Variants in DDC observed in about 807,000 individuals in gnomAD.
The protein encoded by DDC is aromatic-L-amino-acid decarboxylase.
A neutral mutation model predicts 60.0 loss-of-function variants in DDC; 43 were observed. The ratio of observed to expected loss-of-function variants is 0.72; its 90% CI spans 0.56 to 0.92. The LOEUF (loss-of-function observed/expected upper bound fraction) is 0.92, where lower values mean the gene tolerates loss of function less well. Among genes scored for constraint, DDC ranks in the 40% least tolerant of loss-of-function variants. DDC has a pLI of 0.00. For missense variants in DDC, 573 were observed against 620.2 expected, an observed-to-expected ratio of 0.92 and a Z score of 0.81; for synonymous variants, 232 against 234.6, an observed-to-expected ratio of 0.99 and a Z score of 0.10.
At chr7:50,484,203 G>A (rs901443455) in intron 9 of DDC, among the ~76,000 whole-genome samples, 11 of 152,292 alleles carry the variant, frequency 7.2e-5, no homozygotes, top group African/African-American at 1.7e-4. Flanking sequence ...TCCAGAGATC[G>A]TTTATGTAAT....
chr7:50,499,887 G>T (rs142386148), intron 7 of DDC, among the ~76,000 whole-genome samples: 45 of 152,288 alleles, frequency 3.0e-4, no homozygotes, highest in Admixed American at 1.1e-3. Context: ...CTCAACTCCT[G>T]CTTCCAGTTG....
chr7:50,536,371 T>A (rs1223929875), intron 4 of DDC, among the ~76,000 whole-genome samples: 2 of 152,194 alleles, frequency 1.3e-5, no homozygotes, highest in Non-Finnish European at 2.9e-5. Context: ...CTTGGGCACA[T>A]GTAGTCAGGA....
chr7:50,492,894 G>T (rs762860142), intron 9 of DDC: 14 of 1,592,998 alleles, frequency 8.8e-6, no homozygotes, highest in Non-Finnish European at 9.3e-6. Flanking sequence ...CAGCCTCGGG[G>T]CATCAGCTCT....
chr7:50,556,993 C>T (rs896945222), intron 1 of DDC, among the ~76,000 whole-genome samples: 1 of 152,142 alleles, frequency 6.6e-6, no homozygotes, highest in East Asian at 1.9e-4. Flanking sequence ...AAAATGGGGC[C>T]GCAAGCTCAT....
At chr7:50,518,054 CA>C (rs1250777147) in intron 6 of DDC, among the ~76,000 whole-genome samples, 1 of 151,160 alleles carries the variant, frequency 6.6e-6, no homozygotes, top group South Asian at 2.1e-4. Flanking sequence ...CTAAAAAATA[CA>C]AAAAAATTAG....
chr7:50,463,172 G>A, intron 14 of DDC, 41 bp downstream of exon 14: 11 of 1,515,418 alleles, frequency 7.3e-6, no homozygotes, highest in Non-Finnish European at 9.0e-6. Context: ...TCTTGCCACG[G>A]GACAAGGAGA....
intron 4 of DDC, among the ~76,000 whole-genome samples, chr7:50,533,967 C>G (rs997745571): frequency 2.6e-5 from 4 of 152,184 alleles, no homozygotes; most frequent in Non-Finnish European, 4.4e-5. Flanking sequence ...CTGCCTGGCT[C>G]TAGTGGCCAG....
intron 4 of DDC, among the ~76,000 whole-genome samples, chr7:50,530,991 G>C (rs2044186313): frequency 6.6e-6 from 1 of 152,200 alleles, no homozygotes; most frequent in African/African-American, 2.4e-5. Context: ...TGGTGGGACA[G>C]TAATATTGAA....
chr7:50,555,686 G>A (rs1379169386), intron 1 of DDC, among the ~76,000 whole-genome samples: 5 of 152,118 alleles, frequency 3.3e-5, no homozygotes, highest in East Asian at 1.9e-4. Flanking sequence ...CAAGAACCAC[G>A]TTAAGCTCTT....
intron 13 of DDC, among the ~76,000 whole-genome samples, chr7:50,466,403 T>G (rs1167858117): frequency 6.7e-6 from 1 of 148,594 alleles, no homozygotes; most frequent in African/African-American, 2.5e-5. Flanking sequence ...GAGAATCACT[T>G]GAACCCGGGA....
At chr7:50,501,429 A>G (rs1299742748) in intron 7 of DDC, among the ~76,000 whole-genome samples, 1 of 152,192 alleles carries the variant, frequency 6.6e-6, no homozygotes, top group Non-Finnish European at 1.5e-5. Flanking sequence ...CCTGCCAGAC[A>G]ACTGATCCAT....
chr7:50,521,427 A>C (rs1397644840), intron 6 of DDC, among the ~76,000 whole-genome samples: 1 of 152,220 alleles, frequency 6.6e-6, no homozygotes, highest in Non-Finnish European at 1.5e-5. Context: ...TTTCTGACTC[A>C]TTCTATGAGA....
chr7:50,546,673 C>T (rs1207134337), intron 1 of DDC, among the ~76,000 whole-genome samples: 21 of 152,222 alleles, frequency 1.4e-4, no homozygotes, highest in Admixed American at 1.3e-3. Flanking sequence ...TCCATGTTCT[C>T]TGTTAAATGA....
intron 4 of DDC, among the ~76,000 whole-genome samples, chr7:50,531,121 C>A (rs2044192188): frequency 1.3e-5 from 2 of 152,172 alleles, no homozygotes; most frequent in Admixed American, 1.3e-4. Flanking sequence ...GCTATATTTT[C>A]ATGAGCAATG....
At chr7:50,522,320 A>G (rs1254090140) in intron 6 of DDC, among the ~76,000 whole-genome samples, 1 of 152,232 alleles carries the variant, frequency 6.6e-6, no homozygotes, top group Non-Finnish European at 1.5e-5. Flanking sequence ...AGGAAGTCTC[A>G]ATATCATCAA....
At chr7:50,490,715 C>T (rs950274362) in intron 9 of DDC, among the ~76,000 whole-genome samples, 3 of 152,126 alleles carry the variant, frequency 2.0e-5, no homozygotes, top group African/African-American at 7.2e-5. Context: ...ACAACAAAAG[C>T]TCTAAATCTT....
At chr7:50,499,016 G>A in intron 8 of DDC, 132 bp downstream of exon 8, 2 of 755,278 alleles carry the variant, frequency 2.6e-6, no homozygotes, top group South Asian at 2.9e-5. Context: ...GAGGAAGTCG[G>A]AATTGGTTCA....
chr7:50,561,670 AC>A (rs11575267), intron 1 of DDC, among the ~76,000 whole-genome samples: 13,024 of 144,200 alleles, frequency 0.09, 862 homozygotes, highest in South Asian at 0.16. Context: ...CCCCACCTCC[AC>A]CCCCTCCCCC....
At chr7:50,466,890 G>GA (rs1334861635) in intron 13 of DDC, among the ~76,000 whole-genome samples, 1 of 152,250 alleles carries the variant, frequency 6.6e-6, no homozygotes, top group Non-Finnish European at 1.5e-5. Flanking sequence ...TGAGGCTATG[G>GA]ACAGGCCGCT....
Sources: allele counts gnomAD v4.1 joint callset (sites outside exome capture counted in the v4.1 genomes callset), GRCh38; gene constraint gnomAD v4.1.1; transcripts MANE v1.5; gene names NCBI Gene and HGNC (gene_info 2026-07-23, HGNC 2026-07-21).